The following BNC2 variants were observed in gnomAD, a reference collection of about 807,000 sequenced individuals.
BNC2 encodes the protein zinc finger protein basonuclin-2.
BNC2 carries 20 observed loss-of-function variants against 76.3 expected under a neutral mutation model. The ratio of observed to expected loss-of-function variants is 0.26; its 90% CI spans 0.18 to 0.38. BNC2 has a LOEUF of 0.38. Among genes scored for constraint, BNC2 ranks in the 10% least tolerant of loss-of-function variants. The probability of loss-of-function intolerance (pLI) is 1.00; values close to 1 mark genes in which losing one functional copy is unlikely to be tolerated. For missense variants in BNC2, 1,382 were observed against 1,399.8 expected (o/e 0.99, Z 0.20); for synonymous variants, 582 against 514.8 (o/e 1.13, Z -1.77).
intron 5 of BNC2, among the ~76,000 whole-genome samples, chr9:16,496,459 G>T (rs898554032): frequency 5.3e-5 from 8 of 152,068 alleles, no homozygotes; most frequent in African/African-American, 1.9e-4. Context: ...ATTCAGAAGA[G>T]CCCTAAGTTG....
chr9:16,748,784 A>C lies in BNC2; in HGVS notation c.4-10299T>G, dbSNP rs186498134. On this transcript the variant is annotated intron_variant, in intron 1 of 6. Transcript: ENST00000380672. ...CTAGGACCCAGGAGATGGAGATTGC[A>C]GTGAGCCAAGATCAGGCCACTGCAC... 1.0e-3 allele frequency among the ~76,000 whole-genome samples: 141 copies of C among 135,550 alleles called. 3 individuals are homozygous for C. In the East Asian group the frequency reaches 0.032, roughly 31 times the overall value. The allele number at this position is 135,550 out of a possible 152,430, so 88.9% of individuals were successfully genotyped here. A position where few individuals can be genotyped will look rare whatever the true frequency, so the allele number is the denominator to read the frequency against.
chr9:16,803,277 G>A (rs1438916524), intron 1 of BNC2, among the ~76,000 whole-genome samples: 3 of 152,184 alleles, frequency 2.0e-5, no homozygotes, highest in African/African-American at 4.8e-5. Flanking sequence ...CAATTCTGAG[G>A]ACAGTGCTGA....
intron 5 of BNC2, among the ~76,000 whole-genome samples, chr9:16,464,278 T>C (rs897321999): frequency 2.6e-5 from 4 of 152,280 alleles, no homozygotes; most frequent in East Asian, 1.9e-4. Context: ...AGGACTGGCA[T>C]GGCACACAGG....
intron 3 of BNC2, among the ~76,000 whole-genome samples, chr9:16,641,653 T>C (rs1050027976): frequency 3.3e-5 from 5 of 152,222 alleles, no homozygotes; most frequent in Admixed American, 6.5e-5. Flanking sequence ...CATAAGTGTC[T>C]GAAATCAGTG....
chr9:16,805,454 G>A (rs1817884539), intron 1 of BNC2, among the ~76,000 whole-genome samples: 1 of 151,972 alleles, frequency 6.6e-6, no homozygotes, highest in African/African-American at 2.4e-5. Context: ...AGCCTCCCGA[G>A]TAGCTGGGAT....
intron 1 of BNC2, among the ~76,000 whole-genome samples, chr9:16,792,346 T>A (rs1378140482): frequency 6.6e-6 from 1 of 152,176 alleles, no homozygotes; most frequent in East Asian, 1.9e-4. Flanking sequence ...TGTAACTCCG[T>A]AAGTGAAGTT....
intron 5 of BNC2, among the ~76,000 whole-genome samples, chr9:16,541,565 A>G (rs531039954): frequency 6.6e-6 from 1 of 152,372 alleles, no homozygotes; most frequent in South Asian, 2.1e-4. Context: ...CACAGAGACA[A>G]GTAGCTCTTA....
At chr9:16,666,366 T>C (rs929839109) in intron 3 of BNC2, among the ~76,000 whole-genome samples, 1 of 152,200 alleles carries the variant, frequency 6.6e-6, no homozygotes, top group South Asian at 2.1e-4. Flanking sequence ...TATAACTCTA[T>C]ATAGAAATTT....
chr9:16,696,694 T>C (rs555533547), intron 3 of BNC2, among the ~76,000 whole-genome samples: 1 of 152,314 alleles, frequency 6.6e-6, no homozygotes, highest in South Asian at 2.1e-4. Flanking sequence ...AATAAATAAA[T>C]ATCTTAAAAT....
chr9:16,605,894 A>G (rs2133361180), intron 3 of BNC2, among the ~76,000 whole-genome samples: 1 of 147,718 alleles, frequency 6.8e-6, no homozygotes, highest in South Asian at 2.1e-4. Context: ...GGCTCAGGTG[A>G]TCCTCCCACC....
intron 5 of BNC2, among the ~76,000 whole-genome samples, chr9:16,542,760 C>T (rs113477878): frequency 0.05 from 7,672 of 152,268 alleles, 208 homozygotes; most frequent in Middle Eastern, 0.099. Context: ...GCATTACATA[C>T]AGGTATCATG....
intron 5 of BNC2, among the ~76,000 whole-genome samples, chr9:16,463,818 A>T (rs192090414): frequency 6.6e-6 from 1 of 151,948 alleles, no homozygotes; most frequent in East Asian, 2.0e-4. Context: ...GCACTTTGGG[A>T]GGCCCGGTGG....
chr9:16,436,056 G>A lies in BNC2; in HGVS notation c.2138C>T (p.Ser713Phe). The A allele has an allele frequency of 3.7e-6, 6 of 1,614,186 alleles. No homozygotes were observed. Among genetic ancestry groups the A allele is most frequent in the Non-Finnish European group, 5.1e-6 (6 of 1,180,048 alleles). ...GTCCCGCTCAGGTTCTTGGTCTTCA[G>A]AAGTCATGCTGTCGGCCCTCCTTAT... ...TEIRRADSMT[S>F]EDQEPERDYE... Residue 713 changes from serine (S) to phenylalanine (F), a missense_variant, in exon 6 of 7, where the codon TCT becomes TTT. Ser to Phe is a radical substitution (Grantham distance 155). Around this residue, in one of 3 missense-constraint regions of BNC2, gnomAD observed 798 missense variants for 775.5 expected, o/e 1.03. Coordinates refer to ENST00000380672, the MANE Select transcript of BNC2 (RefSeq NM_017637.6).
chr9:16,736,725 C>T (rs572422435), intron 2 of BNC2, among the ~76,000 whole-genome samples: 3 of 151,736 alleles, frequency 2.0e-5, no homozygotes, highest in Admixed American at 6.6e-5. Context: ...CCGCCTCTCT[C>T]GGCCTCCCAA....
chr9:16,782,486 A>C (rs1826182066), intron 1 of BNC2, among the ~76,000 whole-genome samples: 1 of 152,096 alleles, frequency 6.6e-6, no homozygotes, highest in Non-Finnish European at 1.5e-5. Context: ...TAAAGTTTTT[A>C]CATACTAGTC....
intron 3 of BNC2, among the ~76,000 whole-genome samples, chr9:16,662,068 A>T (rs1220676626): frequency 6.6e-6 from 1 of 152,188 alleles, no homozygotes; most frequent in Non-Finnish European, 1.5e-5. Flanking sequence ...TAAAAGTGAT[A>T]CCAGTTTGGT....
intron 1 of BNC2, among the ~76,000 whole-genome samples, chr9:16,741,957 C>CAAAAAAAAAAAAAA (rs35573018): frequency 1.3e-5 from 1 of 79,400 alleles, no homozygotes; most frequent in African/African-American, 5.2e-5. Context: ...GGCTCCATCT[C>CAAAAAAAAAAAAAA]AAAAAAAAAA....
chr9:16,652,716 G>GA (rs1013865100), intron 3 of BNC2, among the ~76,000 whole-genome samples: 6 of 152,094 alleles, frequency 3.9e-5, no homozygotes, highest in African/African-American at 1.4e-4. Context: ...ATCTACTGGA[G>GA]TTTTTCCTCA....
chr9:16,740,558 A>T (rs906356500), intron 1 of BNC2, among the ~76,000 whole-genome samples: 1 of 152,246 alleles, frequency 6.6e-6, no homozygotes, highest in Admixed American at 6.5e-5. Flanking sequence ...AGAAGTAAGC[A>T]AATTGTGAAG....
Sources: allele counts gnomAD v4.1 joint callset (sites outside exome capture counted in the v4.1 genomes callset), GRCh38; gene constraint gnomAD v4.1.1; regional missense constraint gnomAD v4.1.1; transcripts MANE v1.5; gene names NCBI Gene and HGNC (gene_info 2026-07-23, HGNC 2026-07-21).